The following CFAP100 variants were observed in gnomAD, a reference collection of about 807,000 sequenced individuals.
CFAP100 encodes the protein cilia and flagella associated protein 100, also known as cilia- and flagella-associated protein 100.
A neutral mutation model predicts 81.5 loss-of-function variants in CFAP100; 70 were observed. The ratio of observed to expected loss-of-function variants is 0.86; its 90% CI spans 0.71 to 1.05. The LOEUF (loss-of-function observed/expected upper bound fraction) is 1.05, where lower values mean the gene tolerates loss of function less well. CFAP100 is among the 50% of genes least tolerant of loss of function. The pLI is 0.00. For synonymous variants in CFAP100, 341 were observed against 314.8 expected (o/e 1.08, Z -0.88); for missense variants, 811 against 776.5 (o/e 1.04, Z -0.53).
chr3:126,423,275 CTGT>C, intron 11 of CFAP100, 47 bp from the exon 12 acceptor site: 1 of 1,528,036 alleles, frequency 6.5e-7, no homozygotes, highest in South Asian at 1.2e-5. Context: ...CCCCTGGCTC[CTGT>C]CTGCTCAGGC....
At chr3:126,399,891 TGG>T (rs2082945420) in intron 2 of CFAP100, among the ~76,000 whole-genome samples, 1 of 152,144 alleles carries the variant, frequency 6.6e-6, no homozygotes, top group Non-Finnish European at 1.5e-5. Context: ...TACAGCTTGC[TGG>T]TGCCAGGGTG....
chr3:126,427,789 C>T (rs1933018954), intron 13 of CFAP100, among the ~76,000 whole-genome samples: 1 of 152,186 alleles, frequency 6.6e-6, no homozygotes, highest in African/African-American at 2.4e-5. Context: ...TAATTTGTGA[C>T]TCCTGGGCAT....
At chr3:126,407,140 C>G in intron 2 of CFAP100, 32 bp from the exon 3 acceptor site, 1 of 1,545,746 alleles carries the variant, frequency 6.5e-7, no homozygotes, top group South Asian at 1.1e-5. Context: ...AGGGGAGTCA[C>G]TGCTGCGGCC....
Position 126,396,007 on chromosome 3 carries a change from G to A in CFAP100, c.7G>A (p.Glu3Lys). Residue 3 changes from glutamate to lysine, a missense_variant, in exon 2 of 17, where the codon GAG becomes AAG. By Grantham distance (56) the Glu-to-Lys change is moderately conservative. Coordinates refer to ENST00000352312, the MANE Select transcript of CFAP100 (RefSeq NM_182628.3). MS[E>K]IPSTIVSKNM... ...CTCTTGGGCCTCAGCCAAGATGTCT[G>A]AGATACCGTCCACTATAGTCTCCAA... The A allele has an allele frequency of 6.2e-7, 1 of 1,613,996 alleles. No individual in the cohort carries two copies. The highest frequency in any genetic ancestry group is 8.5e-7 in the Non-Finnish European group (1 of 1,179,876).
At chr3:126,433,631 C>T (rs34972171) in intron 14 of CFAP100, 44,319 of 193,468 alleles carry the variant, frequency 0.23, 5,468 homozygotes, top group East Asian at 0.35. Flanking sequence ...GGGGCCACCC[C>T]GGGCATGGGA....
At chr3:126,417,284 G>A (rs2083259557) in intron 5 of CFAP100, among the ~76,000 whole-genome samples, 1 of 141,984 alleles carries the variant, frequency 7.0e-6, no homozygotes, top group Non-Finnish European at 1.5e-5. Flanking sequence ...TAATACATTG[G>A]CTGTAGTAAG....
chr3:126,414,464 C>T (rs1190595383), intron 4 of CFAP100: 1 of 615,116 alleles, frequency 1.6e-6, no homozygotes, highest in African/African-American at 1.8e-5. Flanking sequence ...CTCGCCGCCA[C>T]TTCCACTGCT....
intron 13 of CFAP100, among the ~76,000 whole-genome samples, chr3:126,432,021 C>T (rs1345773119): frequency 6.6e-6 from 1 of 152,080 alleles, no homozygotes; most frequent in African/African-American, 2.4e-5. Context: ...TGGCTCACAC[C>T]TGTAATCCCA....
intron 2 of CFAP100, among the ~76,000 whole-genome samples, chr3:126,405,088 C>A (rs1052105632): frequency 2.2e-5 from 3 of 138,314 alleles, no homozygotes; most frequent in Admixed American, 1.5e-4. Context: ...GCTGTGCGAC[C>A]ACCACCATCC....
chr3:126,397,866 AC>A lies in CFAP100; in HGVS notation c.49+1824del, dbSNP rs571521718. Among the ~76,000 whole-genome samples, 169 of 151,576 alleles carry A rather than the reference AC, an allele frequency of 1.1e-3. 1 individual carries two copies. The highest frequency in any genetic ancestry group is 1.5e-3 in the Non-Finnish European group (101 of 67,910). ...GGATGCTGAGCCAAGTACAGATAGG[AC>A]CCCCCCTCAACCAGAGGGCCCAGGG... is the stretch of plus-strand genomic sequence containing the variant. On this transcript the variant is annotated intron_variant, in intron 2 of 16. Transcript: ENST00000352312.
At chr3:126,403,758 TAG>T (rs1272690391) in intron 2 of CFAP100, among the ~76,000 whole-genome samples, 1 of 152,206 alleles carries the variant, frequency 6.6e-6, no homozygotes, top group Non-Finnish European at 1.5e-5. Flanking sequence ...ATTATAAAAG[TAG>T]ACTTACACTT....
intron 2 of CFAP100, among the ~76,000 whole-genome samples, chr3:126,402,373 G>A (rs2107586153): frequency 6.6e-6 from 1 of 152,330 alleles, no homozygotes; most frequent in Admixed American, 6.5e-5. Flanking sequence ...GCTGTGCGGG[G>A]GAAGCTGCAG....
intron 2 of CFAP100, 36 bp downstream of exon 2, chr3:126,396,085 C>T (rs1560057092): frequency 6.4e-7 from 1 of 1,563,902 alleles, no homozygotes; most frequent in East Asian, 2.2e-5. Context: ...TCTCAGAGGT[C>T]AGGGGCAGCT....
chr3:126,425,741 G>A (rs1054971369), intron 13 of CFAP100, among the ~76,000 whole-genome samples: 1 of 152,184 alleles, frequency 6.6e-6, no homozygotes, highest in Non-Finnish European at 1.5e-5. Context: ...TTTATCCTAG[G>A]TATGCAGGGC....
At chr3:126,408,441 C>T (rs2083103390) in intron 3 of CFAP100, among the ~76,000 whole-genome samples, 2 of 152,186 alleles carry the variant, frequency 1.3e-5, no homozygotes, top group African/African-American at 2.4e-5. Flanking sequence ...ATCTAGCAGC[C>T]CCCTCCCTGG....
At chr3:126,432,927 C>T in intron 13 of CFAP100, 142 bp from the exon 14 acceptor site, 1 of 730,222 alleles carries the variant, frequency 1.4e-6, no homozygotes, top group South Asian at 3.2e-5. Flanking sequence ...ACCCCCTGGG[C>T]ATGCAGAGAC....
intron 14 of CFAP100, chr3:126,433,607 C>G (rs1212025192): frequency 4.9e-6 from 1 of 204,840 alleles, no homozygotes; most frequent in Non-Finnish European, 9.9e-6. Context: ...AGCCCGCTCC[C>G]AACCTGACAG....
intron 13 of CFAP100, among the ~76,000 whole-genome samples, chr3:126,425,549 G>A (rs149106506): frequency 6.0e-4 from 91 of 152,238 alleles, no homozygotes; most frequent in African/African-American, 2.1e-3. Context: ...AGCAGAGGGA[G>A]TACTTCCTAA....
intron 11 of CFAP100, among the ~76,000 whole-genome samples, chr3:126,423,078 A>T (rs552546600): frequency 6.6e-6 from 1 of 152,314 alleles, no homozygotes; most frequent in Non-Finnish European, 1.5e-5. Context: ...GGTCTGGAAC[A>T]TGGTTTGTCC....
Sources: allele counts gnomAD v4.1 joint callset (sites outside exome capture counted in the v4.1 genomes callset), GRCh38; gene constraint gnomAD v4.1.1; transcripts MANE v1.5; gene names NCBI Gene and HGNC (gene_info 2026-07-23, HGNC 2026-07-21).